The following ZNF546 variants were observed in gnomAD, a reference collection of about 807,000 sequenced individuals.
ZNF546 encodes the protein CTC-471F3.6.
Under a neutral mutation model 76.2 loss-of-function variants are expected in ZNF546, and 60 were observed. That is an observed-to-expected ratio of 0.79 (90% CI 0.64 to 0.98). The LOEUF (loss-of-function observed/expected upper bound fraction) is 0.98. Ranked by LOEUF, ZNF546 falls within the 50% of genes least tolerant of loss-of-function variation. The pLI is 0.00. For missense variants in ZNF546, 936 were observed against 1,035.6 expected (o/e 0.90, Z 1.32); for synonymous variants, 277 against 328.1 (o/e 0.84, Z 1.68).
intron 1 of ZNF546, 27 bp from the exon 2 acceptor site, chr19:39,997,834 C>T (rs1033479561): frequency 2.5e-5 from 4 of 158,082 alleles, no homozygotes; most frequent in African/African-American, 9.6e-5. Context: ...TATTTTTCTT[C>T]CCCCATTCTG....
rs1186230239 is a variant in ZNF546 at position 40,017,966 on chromosome 19, CTTTTTTTTTTTTTTT to C, written c.*2200_*2214del. The C allele has an allele frequency of 3.2e-5, 2 of 63,076 alleles. No individual in the cohort carries two copies. Among genetic ancestry groups the C allele is most frequent in the Non-Finnish European group, 6.1e-5 (2 of 32,738 alleles). 3.9% of individuals were successfully genotyped at this position (63,076 alleles called of 1,614,324 possible). ...CCCCACAACTTTATTGCAACATTGACTTTTTTTTTTTTTTTTTTTTTTTTTTTTTGAGATGGAGTC... is the reference window on the plus strand; with the variant it reads ...CCCCACAACTTTATTGCAACATTGACTTTTTTTTTTTTTTGAGATGGAGTC... On this transcript the variant is annotated 3_prime_UTR_variant, in exon 7 of 7. Transcript: ENST00000347077.
chr19:40,003,943 C>CG (rs1971563516), intron 3 of ZNF546, among the ~76,000 whole-genome samples: 1 of 150,876 alleles, frequency 6.6e-6, no homozygotes, highest in South Asian at 2.1e-4. Flanking sequence ...ACCTAGGAGG[C>CG]GGAGTCTACA....
intron 3 of ZNF546, among the ~76,000 whole-genome samples, chr19:40,001,159 G>A (rs1971524675): frequency 6.6e-6 from 1 of 152,110 alleles, no homozygotes; most frequent in Non-Finnish European, 1.5e-5. Context: ...CTAGCAATGG[G>A]GAGTAGCTGT....
chr19:40,000,496 G>A (rs1425149986), intron 3 of ZNF546, among the ~76,000 whole-genome samples: 3 of 151,548 alleles, frequency 2.0e-5, no homozygotes, highest in Non-Finnish European at 2.9e-5. Flanking sequence ...GGTGGCATGC[G>A]CTTGTAATCC....
intron 3 of ZNF546, 151 bp downstream of exon 3, chr19:39,998,561 C>A: frequency 1.6e-6 from 1 of 633,870 alleles, no homozygotes; most frequent in South Asian, 2.1e-5. Context: ...TGACTAGTGT[C>A]AGTAAGCAAG....
chr19:39,997,536 C>G (rs762776252), intron 1 of ZNF546, among the ~76,000 whole-genome samples: 3 of 152,200 alleles, frequency 2.0e-5, no homozygotes, highest in African/African-American at 7.2e-5. Context: ...CAAGAAGGTA[C>G]AGACCTGGGT....
At chr19:40,013,015 A>G (rs1256159040) in intron 6 of ZNF546, among the ~76,000 whole-genome samples, 2 of 151,828 alleles carry the variant, frequency 1.3e-5, no homozygotes, top group Non-Finnish European at 2.9e-5. Context: ...GGGTTTCACC[A>G]TGTTAGCCGG....
chr19:40,008,610 G>A, intron 6 of ZNF546, 45 bp downstream of exon 6: 1 of 1,491,522 alleles, frequency 6.7e-7, no homozygotes, highest in Non-Finnish European at 9.3e-7. Flanking sequence ...CACAAGTTAT[G>A]ACCCATGATG....
chr19:40,007,896 TAA>T lies in ZNF546; in HGVS notation c.298+498_298+499del, dbSNP rs536494692. On this transcript the variant is annotated intron_variant, in intron 5 of 6. Transcript: ENST00000347077. Reference sequence around the variant, plus strand: ...CTTAACCTGCTTTGCGGTTGAAAGTTAAAGTCTGTGAATTGACATTTTCTGTT... The same window carrying T: ...CTTAACCTGCTTTGCGGTTGAAAGTTAGTCTGTGAATTGACATTTTCTGTT... Among the ~76,000 whole-genome samples, 288 of 152,326 alleles carry T rather than the reference TAA, an allele frequency of 1.9e-3. 2 individuals are homozygous for T. Among genetic ancestry groups the T allele is most frequent in the African/African-American group, 6.7e-3 (277 of 41,570 alleles).
At chr19:39,998,223 A>G (rs190729369) in intron 2 of ZNF546, 25 bp from the exon 3 acceptor site, 2 of 800,206 alleles carry the variant, frequency 2.5e-6, no homozygotes, top group East Asian at 5.2e-5. Context: ...CTTTAAATAA[A>G]TGCATAAAAT....
In ZNF546 at chr19:40,013,773, A is replaced by T; in HGVS notation, c.503A>T (p.Glu168Val). The change falls in exon 7 of 7, where the codon GAG (glutamate) becomes GTG (valine). Residue 168 changes from glutamate (E) to valine (V), a missense_variant. Physicochemically the swap from Glu to Val is moderately radical, Grantham distance 121. Transcript: ENST00000347077. Reference sequence around the variant, plus strand: ...GAAAAAAGTAAAAACACCATCCATGAGGACACCATTTTCAGAAATGGTTTG... The same window carrying T: ...GAAAAAAGTAAAAACACCATCCATGTGGACACCATTTTCAGAAATGGTTTG... ...TGEKSKNTIHEDTIFRNGLQC... is the reference protein window; with the variant it reads ...TGEKSKNTIHVDTIFRNGLQC... The T allele has an allele frequency of 6.2e-7, 1 of 1,613,750 alleles. No homozygotes were observed. Among genetic ancestry groups the T allele is most frequent in the Non-Finnish European group, 8.5e-7 (1 of 1,179,938 alleles).
Position 40,014,556 on chromosome 19 carries a change from C to T in ZNF546, c.1286C>T (p.Ala429Val). Residue 429 changes from alanine to valine, a missense_variant, in exon 7 of 7, where the codon GCT (alanine) becomes GTT (valine). Ala to Val is a moderately conservative substitution (Grantham distance 64). Transcript: ENST00000347077. ...GKSFSFHAEL[A>V]RHRRIHTGEK... is the part of the protein sequence containing the mutation. ...TCCTTTAGTTTTCATGCAGAACTTG[C>T]TCGACATCGTAGAATTCATACTGGT... 3 of 1,614,068 alleles carry T rather than the reference C, an allele frequency of 1.9e-6. No homozygotes were observed. Among genetic ancestry groups the T allele is most frequent in the Non-Finnish European group, 1.7e-6 (2 of 1,180,016 alleles).
At position 39,998,371 on chromosome 19, in the gene ZNF546, CA is replaced by C. The variant is rs1231653523; in HGVS notation, c.46del (p.Ile16PhefsTer12). 6.2e-7 allele frequency: 1 copy of C among 1,614,080 alleles called. No homozygotes were observed. Among genetic ancestry groups the C allele is most frequent in the African/African-American group, 1.3e-5 (1 of 74,942 alleles). On this transcript the variant is annotated frameshift_variant, in exon 3 of 7. Transcript: ENST00000347077. LOFTEE classifies it high-confidence loss of function. ...TTCACGGGCCTCCAAATGACTTTCTCATTTTTCAAATCATTCCTCTGCACTC... is the reference window on the plus strand; with the variant it reads ...TTCACGGGCCTCCAAATGACTTTCTCTTTTTCAAATCATTCCTCTGCACTC... ...PLHGPPNDFL[I>X]FQIIPLHSLS...
chr19:40,019,208 G>A lies in ZNF546; in HGVS notation c.*3427G>A, dbSNP rs1568391822. 2 of 152,180 alleles carry A rather than the reference G, an allele frequency of 1.3e-5. No individual in the cohort carries two copies. The highest frequency in any genetic ancestry group is 6.5e-5 in the Admixed American group (1 of 15,272). The allele number at this position is 152,180 out of a possible 1,614,324, so 9.4% of individuals were successfully genotyped here. ...GTGAATGTGGCCAAACCTGTGCTCA[G>A]TGAAAAATCAGTAACCTGTTAATAT... On this transcript the variant is annotated 3_prime_UTR_variant, in exon 7 of 7. Transcript: ENST00000347077.
chr19:39,998,461 G>C (rs369385223), intron 3 of ZNF546, 51 bp downstream of exon 3: 19 of 1,456,184 alleles, frequency 1.3e-5, no homozygotes, highest in Admixed American at 8.4e-5. Context: ...GTTTTATTGA[G>C]ATTAATGTTT....
At chr19:40,012,536 G>T (rs1409192789) in intron 6 of ZNF546, among the ~76,000 whole-genome samples, 2 of 152,080 alleles carry the variant, frequency 1.3e-5, no homozygotes, top group African/African-American at 2.4e-5. Context: ...TAAGAAAGGG[G>T]TTTTTATCAA....
rs1971813859 is a variant in ZNF546, at chr19:40,018,755, G to T, written c.*2974G>T. 1 of 152,238 alleles carries T rather than the reference G, an allele frequency of 6.6e-6. No homozygotes were observed. Among genetic ancestry groups the T allele is most frequent in the Non-Finnish European group, 1.5e-5 (1 of 68,060 alleles). The allele number at this position is 152,238 out of a possible 1,614,324, so 9.4% of individuals were successfully genotyped here. A position where few individuals can be genotyped will look rare whatever the true frequency, so the allele number is the denominator to read the frequency against. Reference sequence around the variant, plus strand: ...TAGAAAAGCTAAGTAAAGCTGTCCTGATTACAGCTGTAATTGAGGTAACAG... The same window carrying T: ...TAGAAAAGCTAAGTAAAGCTGTCCTTATTACAGCTGTAATTGAGGTAACAG... On this transcript the variant is annotated 3_prime_UTR_variant, in exon 7 of 7. Transcript: ENST00000347077.
At position 40,007,313 on chromosome 19, in the gene ZNF546, C is replaced by CA. The variant is rs1308135942; in HGVS notation, c.213dup (p.Glu72ArgfsTer34). On this transcript the variant is annotated frameshift_variant, in exon 5 of 7. Coordinates refer to ENST00000347077, the MANE Select transcript of ZNF546 (RefSeq NM_178544.5). LOFTEE classifies it high-confidence loss of function. The stretch of plus-strand genomic sequence containing the variant: ...TAGGGATGTGTCCATAGACCTCTCC[C>CA]AAGAGGAGTGGGAGTGCCTGGACGC... 2 of 1,604,000 alleles carry CA rather than the reference C, an allele frequency of 1.2e-6. No homozygotes were observed. The highest frequency in any genetic ancestry group is 2.2e-5 in the South Asian group (2 of 89,634).
chr19:40,014,678 G>T lies in ZNF546; in HGVS notation c.1408G>T (p.Glu470Ter). 1.2e-6 allele frequency: 2 copies of T among 1,612,732 alleles called. No homozygotes were observed. The highest frequency in any genetic ancestry group is 1.7e-6 in the Non-Finnish European group (2 of 1,179,608). Reference protein sequence around the residue: ...HRTHTGEKPYECKECGKAFIC... With the variant: ...HRTHTGEKPY Reference sequence around the variant, plus strand: ...AACTCATACTGGTGAGAAACCCTATGAATGTAAGGAATGTGGGAAGGCCTT... The same window carrying T: ...AACTCATACTGGTGAGAAACCCTATTAATGTAAGGAATGTGGGAAGGCCTT... The change falls in exon 7 of 7, where the codon GAA becomes TAA. Residue 470 changes from glutamate (E) to a stop codon, truncating the protein, a stop_gained. Coordinates refer to ENST00000347077, the MANE Select transcript of ZNF546 (RefSeq NM_178544.5). LOFTEE classifies it high-confidence loss of function.
Sources: allele counts gnomAD v4.1 joint callset (sites outside exome capture counted in the v4.1 genomes callset), GRCh38; gene constraint gnomAD v4.1.1; transcripts MANE v1.5; gene names NCBI Gene and HGNC (gene_info 2026-07-23, HGNC 2026-07-21).